Variants in FAM72C observed in about 807,000 individuals in gnomAD.
FAM72C encodes the protein protein FAM72C.
FAM72C carries 1 observed loss-of-function variant against 5.2 expected under a neutral mutation model. The observed-to-expected ratio is 0.19, with a 90% CI of 0.07 to 0.91. The LOEUF (loss-of-function observed/expected upper bound fraction) is 0.91, where lower values mean the gene tolerates loss of function less well. Among genes scored for constraint, FAM72C ranks in the 40% least tolerant of loss-of-function variants. The pLI is 0.66. For missense variants in FAM72C, 4 were observed against 66.0 expected (o/e 0.06, Z 3.25); for synonymous variants, 1 against 21.8 (o/e 0.05, Z 2.66).
Position 143,963,842 on chromosome 1 carries a change from G to A in FAM72C, c.355+1013C>T, listed in dbSNP as rs1377961194. Among the ~76,000 whole-genome samples, 5 of 137,834 alleles carry A rather than the reference G, an allele frequency of 3.6e-5. No homozygotes were observed. In the South Asian group the frequency reaches 1.2e-3, roughly 34 times the overall value. 90.4% of individuals were successfully genotyped at this position (137,834 alleles called of 152,430 possible). ...ATTTTTTTTTTTCTTTTTTGAGACAGGGTCTCATATTGTTGCCCAGGCTGA... is the reference window on the plus strand; with the variant it reads ...ATTTTTTTTTTTCTTTTTTGAGACAAGGTCTCATATTGTTGCCCAGGCTGA... On this transcript the variant is annotated intron_variant, in intron 3 of 3. Transcript: ENST00000584486.
At chr1:143,959,262 C>T (rs1553517626) in intron 3 of FAM72C, among the ~76,000 whole-genome samples, 1 of 137,700 alleles carries the variant, frequency 7.3e-6, no homozygotes, top group Non-Finnish European at 1.6e-5. Context: ...AAATCTCCAC[C>T]CTGTGTTTTG....
At chr1:143,967,239 A>G (rs1207306829) in intron 2 of FAM72C, among the ~76,000 whole-genome samples, 1 of 145,912 alleles carries the variant, frequency 6.9e-6, no homozygotes, top group African/African-American at 2.5e-5. Flanking sequence ...GCACTTAGGG[A>G]GGCCAAGGCA....
In FAM72C at chr1:143,967,136, C is replaced by G. The variant is rs1661795241; in HGVS notation, c.230+1788G>C. Among the ~76,000 whole-genome samples the G allele has an allele frequency of 4.1e-5, 6 of 145,082 alleles. 1 individual carries two copies. Among genetic ancestry groups the G allele is most frequent in the Non-Finnish European group, 9.2e-5 (6 of 65,480 alleles). ...ATCACTTGAGGTCAGGAGTTTGAGACCAGCCTGGCTAACATGGCGAAATCC... is the reference window on the plus strand; with the variant it reads ...ATCACTTGAGGTCAGGAGTTTGAGAGCAGCCTGGCTAACATGGCGAAATCC... On this transcript the variant is annotated intron_variant, in intron 2 of 3. Transcript: ENST00000584486.
chr1:143,955,380 CTTTA>C lies in FAM72C; in HGVS notation c.*1003_*1006del, dbSNP rs1463544339. 2.2e-5 allele frequency: 3 copies of C among 138,760 alleles called. No homozygotes were observed. The highest frequency in any genetic ancestry group is 7.3e-5 in the Admixed American group (1 of 13,792). 8.6% of individuals were successfully genotyped at this position (138,760 alleles called of 1,614,324 possible). A position where few individuals can be genotyped will look rare whatever the true frequency, so the allele number is the denominator to read the frequency against. ...GAAGAATGGTCATTTTTAGAAAAAA[CTTTA>C]TTTACAAAACCACAACTCAGTCTGC... On this transcript the variant is annotated 3_prime_UTR_variant, in exon 4 of 4. Coordinates refer to ENST00000584486, the MANE Select transcript of FAM72C (RefSeq NM_001287385.2).
Position 143,962,305 on chromosome 1 carries a change from C to T in FAM72C, c.355+2550G>A, listed in dbSNP as rs587737184. 2.9e-4 allele frequency among the ~76,000 whole-genome samples: 41 copies of T among 143,226 alleles called. 4 individuals are homozygous for T. Among genetic ancestry groups the T allele is most frequent in the Non-Finnish European group, 5.7e-4 (37 of 64,764 alleles). 94.0% of individuals were successfully genotyped at this position (143,226 alleles called of 152,430 possible). A position where few individuals can be genotyped will look rare whatever the true frequency, so the allele number is the denominator to read the frequency against. ...CTGGGATTACAGGCGTGAGCCACCG[C>T]GCCCGGCCTCTTATTCCTTTTTTTT... On this transcript the variant is annotated intron_variant, in intron 3 of 3. Coordinates refer to ENST00000584486, the MANE Select transcript of FAM72C (RefSeq NM_001287385.2).
In FAM72C at chr1:143,971,075, GT is replaced by G. The variant is rs1570994713; in HGVS notation, c.66del (p.Lys22AsnfsTer9). On this transcript the variant is annotated frameshift_variant, in exon 1 of 4. Transcript: ENST00000584486. LOFTEE classifies it high-confidence loss of function. ...CVSILCCKFC[K>X]QVLSSRGMKA... is the part of the protein sequence containing the mutation. ...TTCATTCCCCTAGAGCTGAGCACTT[GT>G]TTACAGAATTTGCAACACAGGATGG... is the stretch of plus-strand genomic sequence containing the variant. 2.3e-5 allele frequency: 11 copies of G among 481,964 alleles called. 3 individuals carry two copies. In the East Asian group the frequency reaches 3.8e-4, roughly 17 times the overall value. 29.9% of individuals were successfully genotyped at this position (481,964 alleles called of 1,614,324 possible).
At chr1:143,960,892 G>A (rs1166651190) in intron 3 of FAM72C, among the ~76,000 whole-genome samples, 18 of 127,954 alleles carry the variant, frequency 1.4e-4, no homozygotes, top group South Asian at 2.7e-4. Context: ...GGAGTGCAGC[G>A]GTGCCACCTC....
Position 143,955,745 on chromosome 1 carries a change from G to A in FAM72C, c.*642C>T, listed in dbSNP as rs1470290066. ...TACAATATCCATAATGGCTTTAGAA[G>A]AATGTAAATAAATAACATTGGTAAA... On this transcript the variant is annotated 3_prime_UTR_variant, in exon 4 of 4. Coordinates refer to ENST00000584486, the MANE Select transcript of FAM72C (RefSeq NM_001287385.2). 1 of 106,246 alleles carries A rather than the reference G, an allele frequency of 9.4e-6. No homozygotes were observed. The highest frequency in any genetic ancestry group is 3.8e-5 in the African/African-American group (1 of 26,392). The allele number at this position is 106,246 out of a possible 1,614,324, so 6.6% of individuals were successfully genotyped here.
At chr1:143,967,190 C>T (rs1230945464) in intron 2 of FAM72C, among the ~76,000 whole-genome samples, 2 of 144,338 alleles carry the variant, frequency 1.4e-5, no homozygotes, top group African/African-American at 2.6e-5. Context: ...AAAAATTAGC[C>T]GGGTGGGCTG....
Position 143,962,034 on chromosome 1 carries a change from G to A in FAM72C, c.355+2821C>T, listed in dbSNP as rs1178149547. Among the ~76,000 whole-genome samples the A allele has an allele frequency of 1.4e-5, 2 of 142,204 alleles. 1 individual carries two copies. Among genetic ancestry groups the A allele is most frequent in the Non-Finnish European group, 3.1e-5 (2 of 64,492 alleles). 93.3% of individuals were successfully genotyped at this position (142,204 alleles called of 152,430 possible). On this transcript the variant is annotated intron_variant, in intron 3 of 3. Coordinates refer to ENST00000584486, the MANE Select transcript of FAM72C (RefSeq NM_001287385.2). The stretch of plus-strand genomic sequence containing the variant: ...TTTTCTTTTCTTTTTTTTTTTTTGA[G>A]ATGGAGTTTCACTTTTGTTGCCCAG...
chr1:143,963,748 C>T (rs1334768404), intron 3 of FAM72C, among the ~76,000 whole-genome samples: 12 of 134,922 alleles, frequency 8.9e-5, no homozygotes, highest in African/African-American at 3.3e-4. Flanking sequence ...AGGCAAGACC[C>T]TCCACCAGCA....
intron 2 of FAM72C, among the ~76,000 whole-genome samples, chr1:143,967,000 C>T (rs1661791682): frequency 6.9e-6 from 1 of 143,904 alleles, no homozygotes; most frequent in East Asian, 2.1e-4. Flanking sequence ...TGCACTCCAG[C>T]CTGGGCAACT....
At position 143,967,252 on chromosome 1, in the gene FAM72C, C is replaced by T. The variant is rs1245775162; in HGVS notation, c.230+1672G>A. On this transcript the variant is annotated intron_variant, in intron 2 of 3. Coordinates refer to ENST00000584486, the MANE Select transcript of FAM72C (RefSeq NM_001287385.2). ...TAGCACTTAGGGAGGCCAAGGCAGG[C>T]GGACTGCCTGAGCTCAGGAGTTTGA... 3.9e-4 allele frequency among the ~76,000 whole-genome samples: 57 copies of T among 144,760 alleles called. 6 individuals are homozygous for T. The highest frequency in any genetic ancestry group is 1.3e-3 in the South Asian group (6 of 4,454). The allele number at this position is 144,760 out of a possible 152,430, so 95.0% of individuals were successfully genotyped here. A position where few individuals can be genotyped will look rare whatever the true frequency, so the allele number is the denominator to read the frequency against.
At chr1:143,967,608 TTAAA>T (rs1661811911) in intron 2 of FAM72C, among the ~76,000 whole-genome samples, 1 of 128,558 alleles carries the variant, frequency 7.8e-6, no homozygotes, top group African/African-American at 3.0e-5. Context: ...CAAGTATAGC[TTAAA>T]TAAAGGAATG....
chr1:143,960,797 T>A lies in FAM72C; in HGVS notation c.355+4058A>T, dbSNP rs587674762. ...ACAAGGAAAAAGAATTTTTTTTTTTTAAAAGAATTGGTAGTGTACTTTCTT... is the reference window on the plus strand; with the variant it reads ...ACAAGGAAAAAGAATTTTTTTTTTTAAAAAGAATTGGTAGTGTACTTTCTT... On this transcript the variant is annotated intron_variant, in intron 3 of 3. Transcript: ENST00000584486. Among the ~76,000 whole-genome samples the A allele has an allele frequency of 6.3e-3, 899 of 143,128 alleles. 65 individuals carry two copies. Among genetic ancestry groups the A allele is most frequent in the Admixed American group, 0.032 (463 of 14,250 alleles). The allele number at this position is 143,128 out of a possible 152,430, so 93.9% of individuals were successfully genotyped here.
At chr1:143,966,898 C>T (rs1316199466) in intron 2 of FAM72C, among the ~76,000 whole-genome samples, 10 of 141,104 alleles carry the variant, frequency 7.1e-5, no homozygotes, top group African/African-American at 1.1e-4. Flanking sequence ...CATGGTGGCA[C>T]GTGCCTGTAG....
intron 2 of FAM72C, among the ~76,000 whole-genome samples, chr1:143,965,854 C>T (rs1661758636): frequency 8.7e-6 from 1 of 114,718 alleles, no homozygotes. Flanking sequence ...AAAGTTTTTA[C>T]AGTTTTCAGA....
intron 1 of FAM72C, 131 bp downstream of exon 1, chr1:143,970,859 G>A: frequency 2.1e-6 from 1 of 475,592 alleles, no homozygotes; most frequent in East Asian, 3.8e-5. Context: ...TATATTCCAA[G>A]GGGATCATCA....
chr1:143,965,195 C>T (rs1360024644), intron 2 of FAM72C, among the ~76,000 whole-genome samples: 1 of 91,628 alleles, frequency 1.1e-5, no homozygotes, highest in Non-Finnish European at 2.3e-5. Context: ...CATTTCTTTG[C>T]TATTATTATT....
Sources: gnomAD v4.1 joint callset for allele counts (sites outside exome capture counted in the v4.1 genomes callset) on GRCh38, gnomAD v4.1.1 for gene constraint, MANE v1.5 for transcripts, NCBI Gene and HGNC (gene_info 2026-07-23, HGNC 2026-07-21) for gene names.